MAP2K5: variants seen among roughly 807,000 people sequenced by gnomAD.
MAP2K5 encodes the protein mitogen-activated protein kinase kinase 5, also known as dual specificity mitogen-activated protein kinase kinase 5.
A neutral mutation model predicts 83.1 loss-of-function variants in MAP2K5; 49 were observed. That is an observed-to-expected ratio of 0.59 (90% CI 0.47 to 0.75). The LOEUF (loss-of-function observed/expected upper bound fraction) is 0.75, where lower values mean the gene tolerates loss of function less well. Among genes scored for constraint, MAP2K5 ranks in the 30% least tolerant of loss-of-function variants. The pLI, the probability that MAP2K5 is intolerant of heterozygous loss-of-function variation, is 0.00. For missense variants in MAP2K5, 457 were observed against 557.5 expected, an observed-to-expected ratio of 0.82 and a Z score of 1.82; for synonymous variants, 202 against 191.8, an observed-to-expected ratio of 1.05 and a Z score of -0.44.
intron 17 of MAP2K5, among the ~76,000 whole-genome samples, chr15:67,740,759 G>T (rs2089472838): frequency 6.6e-6 from 1 of 152,182 alleles, no homozygotes; most frequent in Non-Finnish European, 1.5e-5. Context: ...CTGGCGTGGT[G>T]GCTCATGCCT....
chr15:67,748,072 G>A lies in MAP2K5; in HGVS notation c.1075-159G>A, dbSNP rs2089642478. ...GCTGACTTTCGCCTATAAATGAGAAGCGAGCTATTAACATTTGTGTATTTT... is the reference window on the plus strand; with the variant it reads ...GCTGACTTTCGCCTATAAATGAGAAACGAGCTATTAACATTTGTGTATTTT... On this transcript the variant is annotated intron_variant, in intron 17 of 21. Transcript: ENST00000178640. This position sits in a 1 kb window ranked among gnomAD's most constrained non-coding sequence, Gnocchi z 4.0. Among the ~76,000 whole-genome samples, 1 of 152,192 alleles carries A rather than the reference G, an allele frequency of 6.6e-6. No homozygotes were observed. Among genetic ancestry groups the A allele is most frequent in the South Asian group, 2.1e-4 (1 of 4,834 alleles).
At chr15:67,689,289 A>G (rs2088037439) in intron 13 of MAP2K5, among the ~76,000 whole-genome samples, 1 of 152,220 alleles carries the variant, frequency 6.6e-6, no homozygotes, top group Non-Finnish European at 1.5e-5. Flanking sequence ...TATGTTACAT[A>G]CATAAATCAT....
chr15:67,649,042 T>C (rs2086896916), intron 11 of MAP2K5, among the ~76,000 whole-genome samples: 1 of 152,214 alleles, frequency 6.6e-6, no homozygotes, highest in Non-Finnish European at 1.5e-5. Flanking sequence ...TTCATATTTT[T>C]GCCAATACTT....
At chr15:67,598,061 C>T (rs1041780685) in intron 7 of MAP2K5, among the ~76,000 whole-genome samples, 9 of 151,790 alleles carry the variant, frequency 5.9e-5, no homozygotes, top group Non-Finnish European at 1.0e-4. Context: ...AAAAATTAGC[C>T]GGGCATGGTG....
chr15:67,712,316 A>G (rs1291922669), intron 16 of MAP2K5, among the ~76,000 whole-genome samples: 2 of 152,236 alleles, frequency 1.3e-5, no homozygotes, highest in African/African-American at 4.8e-5. Context: ...TAGCTAAATC[A>G]TGCTCCCAGG....
chr15:67,632,403 C>G (rs1397237363), intron 9 of MAP2K5, among the ~76,000 whole-genome samples: 2 of 152,074 alleles, frequency 1.3e-5, no homozygotes, highest in African/African-American at 2.4e-5. Flanking sequence ...CCCAGCTATG[C>G]TAGATGTTTT....
chr15:67,804,959 C>T (rs749024275), intron 21 of MAP2K5, among the ~76,000 whole-genome samples: 2 of 152,206 alleles, frequency 1.3e-5, no homozygotes, highest in African/African-American at 2.4e-5. Context: ...AGGCCCCAGA[C>T]CAAACCTCTG....
chr15:67,678,684 C>T (rs2087739574), intron 13 of MAP2K5, among the ~76,000 whole-genome samples: 1 of 152,092 alleles, frequency 6.6e-6, no homozygotes, highest in Non-Finnish European at 1.5e-5. Context: ...TCTTACCAGA[C>T]ACCGGGCACA....
chr15:67,687,641 GTCATTTTGAAATGTAT>G (rs2087990140), intron 13 of MAP2K5, among the ~76,000 whole-genome samples: 1 of 152,130 alleles, frequency 6.6e-6, no homozygotes, highest in Non-Finnish European at 1.5e-5. Context: ...AGAATGAAGT[GTCATTTTGAAATGTAT>G]TCATTCTGAA....
chr15:67,723,513 C>A (rs796576969), intron 16 of MAP2K5, among the ~76,000 whole-genome samples: 17 of 152,258 alleles, frequency 1.1e-4, no homozygotes, highest in African/African-American at 4.1e-4. Flanking sequence ...TAATAAACGT[C>A]CCGCAAGAGA....
rs1480510340 is a variant in MAP2K5 at position 67,644,370 on chromosome 15, G to A, written c.586-1861G>A. On this transcript the variant is annotated intron_variant, in intron 9 of 21. Coordinates refer to ENST00000178640, the MANE Select transcript of MAP2K5 (RefSeq NM_145160.3). The surrounding 1 kb of genome is among the most constrained non-coding windows in gnomAD (Gnocchi z 4.6). ...GATCGCGCCACTACACTCCAGCCTG[G>A]GTGACAGGGCAGGACTCCATCTCTA... Among the ~76,000 whole-genome samples the A allele has an allele frequency of 6.6e-6, 1 of 151,882 alleles. No homozygotes were observed. Among genetic ancestry groups the A allele is most frequent in the African/African-American group, 2.4e-5 (1 of 41,342 alleles).
At chr15:67,804,437 G>A (rs116270423) in intron 21 of MAP2K5, among the ~76,000 whole-genome samples, 6 of 152,318 alleles carry the variant, frequency 3.9e-5, no homozygotes, top group African/African-American at 7.2e-5. Flanking sequence ...AGCAGGAGAC[G>A]AGGTCACCTC....
chr15:67,773,755 C>A lies in MAP2K5; in HGVS notation c.1242+1003C>A, dbSNP rs74020422. On this transcript the variant is annotated intron_variant, in intron 21 of 21. Coordinates refer to ENST00000178640, the MANE Select transcript of MAP2K5 (RefSeq NM_145160.3). ...TCAAGTTAAAGATCACCCCTAAAAA[C>A]CTCTGCAATTTATAACTCTGCAGGT... 4.9e-3 allele frequency among the ~76,000 whole-genome samples: 743 copies of A among 152,260 alleles called. 5 individuals are homozygous for A. The highest frequency in any genetic ancestry group is 0.015 in the African/African-American group (633 of 41,552).
chr15:67,750,674 C>T lies in MAP2K5; in HGVS notation c.1134+2073C>T, dbSNP rs969225760. 6.6e-6 allele frequency among the ~76,000 whole-genome samples: 1 copy of T among 152,208 alleles called. No individual in the cohort carries two copies. On this transcript the variant is annotated intron_variant, in intron 19 of 21. Transcript: ENST00000178640. The surrounding 1 kb of genome is among the most constrained non-coding windows in gnomAD (Gnocchi z 4.2). Reference sequence around the variant, plus strand: ...TCTCTGCACATTATAAGTTTGAAAACCACTTCTCAAACTTCCCTAACTGCT... The same window carrying T: ...TCTCTGCACATTATAAGTTTGAAAATCACTTCTCAAACTTCCCTAACTGCT...
At chr15:67,634,026 T>C (rs2086533877) in intron 9 of MAP2K5, among the ~76,000 whole-genome samples, 1 of 152,064 alleles carries the variant, frequency 6.6e-6, no homozygotes, top group Non-Finnish European at 1.5e-5. Context: ...AGACTTATAT[T>C]ATGGCTCAGA....
chr15:67,559,807 A>C lies in MAP2K5; in HGVS notation c.185-3476A>C, dbSNP rs2084699361. Among the ~76,000 whole-genome samples the C allele has an allele frequency of 6.6e-6, 1 of 151,686 alleles. No homozygotes were observed. Among genetic ancestry groups the C allele is most frequent in the African/African-American group, 2.4e-5 (1 of 41,274 alleles). ...CAGATCTGTCTGCTCCCCTACCCCC[A>C]CCCCTTTTGTTGGTCATATCCGGTA... On this transcript the variant is annotated intron_variant, in intron 2 of 21. Transcript: ENST00000178640. The surrounding 1 kb of genome is among the most constrained non-coding windows in gnomAD (Gnocchi z 4.7).
rs374449295 is a variant in MAP2K5, at chr15:67,631,566, A to G, written c.585+639A>G. ...GCTTTGCTTCTGACTCCCTCGGCAT[A>G]CTGAAATACCCAAGCACAACACCTG... On this transcript the variant is annotated intron_variant, in intron 9 of 21. Coordinates refer to ENST00000178640, the MANE Select transcript of MAP2K5 (RefSeq NM_145160.3). Among the ~76,000 whole-genome samples, 22 of 152,286 alleles carry G rather than the reference A, an allele frequency of 1.4e-4. No homozygotes were observed. The East Asian group carries it at 2.1e-3, about 15-fold the overall frequency.
chr15:67,664,951 G>T (rs2087337137), intron 13 of MAP2K5, among the ~76,000 whole-genome samples: 1 of 152,118 alleles, frequency 6.6e-6, no homozygotes, highest in Non-Finnish European at 1.5e-5. Flanking sequence ...CAAAACCTTT[G>T]CTTTCTGTAC....
chr15:67,605,667 T>C (rs896803308), intron 8 of MAP2K5, among the ~76,000 whole-genome samples: 13 of 152,184 alleles, frequency 8.5e-5, no homozygotes, highest in Admixed American at 7.2e-4. Flanking sequence ...AGCATTTCTT[T>C]TCTTTTTGCT....
Sources: gnomAD v4.1 joint callset for allele counts (sites outside exome capture counted in the v4.1 genomes callset) on GRCh38, gnomAD v4.1.1 for gene constraint, Gnocchi (gnomAD v3.1) non-coding constraint, MANE v1.5 for transcripts, NCBI Gene and HGNC (gene_info 2026-07-23, HGNC 2026-07-21) for gene names.